Variants in HELB observed in about 807,000 individuals in gnomAD.
HELB encodes the protein DNA 5'-3' helicase B.
HELB carries 96 observed loss-of-function variants against 101.7 expected under a neutral mutation model. The observed-to-expected ratio is 0.94, with a 90% confidence interval of 0.80 to 1.12. The LOEUF (loss-of-function observed/expected upper bound fraction) is 1.12. Ranked by LOEUF, HELB falls within the 50% of genes most tolerant of loss-of-function variation. HELB has a pLI of 0.00. For missense variants in HELB, 1,210 were observed against 1,291.9 expected (o/e 0.94, Z 0.97); for synonymous variants, 437 against 459.7 (o/e 0.95, Z 0.63).
At chr12:66,307,774 C>T (rs2053494265) in intron 3 of HELB, among the ~76,000 whole-genome samples, 1 of 150,878 alleles carries the variant, frequency 6.6e-6, no homozygotes, top group Non-Finnish European at 1.5e-5. Flanking sequence ...TTTTCCCACC[C>T]AGCCTGGAGT....
chr12:66,318,543 G>C (rs2053635240), intron 6 of HELB, 95 bp from the exon 7 acceptor site: 5 of 1,113,734 alleles, frequency 4.5e-6, no homozygotes, highest in Non-Finnish European at 6.2e-6. Context: ...TCTATTAATA[G>C]ATACTAATTA....
intron 7 of HELB, 122 bp downstream of exon 7, chr12:66,318,914 A>G (rs1418141971): frequency 6.9e-6 from 5 of 724,172 alleles, no homozygotes; most frequent in Non-Finnish European, 1.1e-5. Context: ...TAGCAAAAAA[A>G]GAGACATTGA....
chr12:66,338,626 A>G (rs2053891192), downstream of HELB: 1 of 151,748 alleles, frequency 6.6e-6, no homozygotes, highest in Non-Finnish European at 1.5e-5. Context: ...TGGGTGGCAG[A>G]GCGAGACTCC....
At chr12:66,333,808 G>T (rs977426842) in intron 12 of HELB, among the ~76,000 whole-genome samples, 1 of 152,134 alleles carries the variant, frequency 6.6e-6, no homozygotes, top group African/African-American at 2.4e-5. Context: ...ATTTTATTCT[G>T]CTTGCAGTGG....
Position 66,309,891 on chromosome 12 carries a change from A to G in HELB, c.963A>G (p.Thr321=). 3 of 1,614,206 alleles carry G rather than the reference A, an allele frequency of 1.9e-6. No homozygotes were observed. Among genetic ancestry groups the G allele is most frequent in the Non-Finnish European group, 2.5e-6 (3 of 1,180,024 alleles). Residue 321 remains threonine, a synonymous_variant, in exon 4 of 13, where the codon ACA becomes ACG. Transcript: ENST00000247815. ...TYVEVNDLTL[T]LSNHMSFHAA... is the part of the protein sequence containing the mutation. The stretch of plus-strand genomic sequence containing the variant: ...TTGAAGTGAATGACTTAACTTTGAC[A>G]TTGTCAAATCATATGTCATTTCATG...
intron 5 of HELB, 135 bp from the exon 6 acceptor site, chr12:66,315,107 T>C (rs1188812809): frequency 1.9e-6 from 1 of 528,854 alleles, no homozygotes; most frequent in African/African-American, 2.0e-5. Context: ...GTGTTATTAC[T>C]ATTTTTATAT....
At position 66,325,073 on chromosome 12, in the gene HELB, A is replaced by C. The variant is rs747752813; in HGVS notation, c.2617A>C (p.Met873Leu). ...AGTAACTGTGGATTTTAAGAAACTAATGAAATATTGTCGCATAAAACATGC... is the reference window on the plus strand; with the variant it reads ...AGTAACTGTGGATTTTAAGAAACTACTGAAATATTGTCGCATAAAACATGC... The part of the protein sequence containing the change: ...LEVTVDFKKL[M>L]KYCRIKHAWA... The change falls in exon 11 of 13, where the codon ATG (methionine) becomes CTG (leucine). Residue 873 changes from methionine to leucine, a missense_variant. Transcript: ENST00000247815. 13 of 1,613,748 alleles carry C rather than the reference A, an allele frequency of 8.1e-6. No individual in the cohort carries two copies. In the African/African-American group the frequency reaches 1.6e-4, roughly 20 times the overall value.
At chr12:66,337,871 T>C (rs189349978) in intron 12 of HELB, 130 bp from the exon 13 acceptor site, 215 of 607,426 alleles carry the variant, frequency 3.5e-4, no homozygotes, top group Non-Finnish European at 5.4e-4. Context: ...ATTGCTTTGG[T>C]TGCTGAAGCC....
chr12:66,303,998 T>C (rs2053441421), intron 1 of HELB, among the ~76,000 whole-genome samples: 1 of 152,200 alleles, frequency 6.6e-6, no homozygotes, highest in Non-Finnish European at 1.5e-5. Context: ...ACATTTTAAT[T>C]TAAATAGCCA....
chr12:66,307,754 CTT>C (rs752323706), intron 3 of HELB, among the ~76,000 whole-genome samples: 5 of 145,886 alleles, frequency 3.4e-5, no homozygotes, highest in Admixed American at 6.9e-5. Flanking sequence ...CTTTTCTTTT[CTT>C]TTTTTTTTTT....
chr12:66,304,026 G>C (rs1171803390), intron 1 of HELB, among the ~76,000 whole-genome samples: 2 of 152,236 alleles, frequency 1.3e-5, no homozygotes, highest in African/African-American at 4.8e-5. Context: ...GGACAGCGCA[G>C]ATTTAGGCAG....
chr12:66,313,253 A>G (rs2136995555), intron 4 of HELB, among the ~76,000 whole-genome samples: 1 of 152,316 alleles, frequency 6.6e-6, no homozygotes, highest in Admixed American at 6.5e-5. Flanking sequence ...TCTGTACATA[A>G]CACAGATTGA....
intron 3 of HELB, among the ~76,000 whole-genome samples, chr12:66,308,165 G>A (rs1291703149): frequency 6.6e-6 from 1 of 152,044 alleles, no homozygotes; most frequent in Non-Finnish European, 1.5e-5. Flanking sequence ...CCCCATTGTG[G>A]GCATTAAGTG....
intron 7 of HELB, among the ~76,000 whole-genome samples, chr12:66,321,233 A>G (rs1048007345): frequency 1.3e-5 from 2 of 152,130 alleles, no homozygotes; most frequent in African/African-American, 4.8e-5. Context: ...CATAATATGG[A>G]TGTCATCAGA....
intron 5 of HELB, among the ~76,000 whole-genome samples, chr12:66,314,502 C>A (rs2053579448): frequency 6.6e-6 from 1 of 152,026 alleles, no homozygotes; most frequent in African/African-American, 2.4e-5. Flanking sequence ...GAATTATAGG[C>A]CACTTAAAAG....
At chr12:66,307,376 T>TA (rs142821657) in intron 3 of HELB, among the ~76,000 whole-genome samples, 2,281 of 152,222 alleles carry the variant, frequency 0.015, 54 homozygotes, top group East Asian at 0.091. Context: ...CCTTTTTGTT[T>TA]AAAAAAACCC....
chr12:66,324,589 A>G (rs1391728152), intron 10 of HELB: 2 of 261,118 alleles, frequency 7.7e-6, no homozygotes, highest in East Asian at 1.8e-4. Context: ...TGTAGAAACT[A>G]TAGAAGTGGT....
At chr12:66,305,440 T>C (rs908892728) in intron 2 of HELB, among the ~76,000 whole-genome samples, 1 of 151,744 alleles carries the variant, frequency 6.6e-6, no homozygotes, top group East Asian at 1.9e-4. Flanking sequence ...GAATCATTAA[T>C]AAAAAAAAAT....
At chr12:66,325,383 T>G (rs534672020) in intron 11 of HELB, among the ~76,000 whole-genome samples, 1 of 152,218 alleles carries the variant, frequency 6.6e-6, no homozygotes, top group Non-Finnish European at 1.5e-5. Flanking sequence ...GAGTCTCCAG[T>G]ATGGCTTGGC....
Sources: allele counts gnomAD v4.1 joint callset (sites outside exome capture counted in the v4.1 genomes callset), GRCh38; gene constraint gnomAD v4.1.1; transcripts MANE v1.5; gene names NCBI Gene and HGNC (gene_info 2026-07-23, HGNC 2026-07-21).